HEXB: variants seen among roughly 807,000 people sequenced by gnomAD.
HEXB encodes the protein hexosaminidase subunit beta.
HEXB carries 51 observed loss-of-function variants against 71.2 expected under a neutral mutation model. The observed-to-expected ratio is 0.72, with a 90% CI of 0.57 to 0.90. HEXB has a LOEUF of 0.90. HEXB is among the 40% of genes least tolerant of loss of function. HEXB has a pLI of 0.00. For synonymous variants in HEXB, 266 were observed against 249.3 expected (o/e 1.07, Z -0.63); for missense variants, 617 against 677.0 (o/e 0.91, Z 0.98).
At chr5:74,649,814 G>A (rs895441131) in intron 1 of HEXB, among the ~76,000 whole-genome samples, 2 of 152,144 alleles carry the variant, frequency 1.3e-5, no homozygotes, top group Non-Finnish European at 2.9e-5. Flanking sequence ...ACCCATAAGA[G>A]ATTGTTACAT....
intron 1 of HEXB, among the ~76,000 whole-genome samples, chr5:74,664,171 G>A (rs1249074680): frequency 1.3e-5 from 2 of 151,912 alleles, no homozygotes; most frequent in Non-Finnish European, 2.9e-5. Flanking sequence ...CAGGAGAATG[G>A]CTTGTACCTG....
At chr5:74,693,028 T>C (rs903644480) in intron 2 of HEXB, among the ~76,000 whole-genome samples, 3 of 152,128 alleles carry the variant, frequency 2.0e-5, no homozygotes, top group African/African-American at 7.2e-5. Context: ...TTTTATTGAG[T>C]GAGACAAAGC....
At chr5:74,648,854 T>C (rs1475251777) in intron 1 of HEXB, among the ~76,000 whole-genome samples, 1 of 152,254 alleles carries the variant, frequency 6.6e-6, no homozygotes, top group African/African-American at 2.4e-5. Context: ...TGTGTGTTTC[T>C]TGTGCTAGTC....
chr5:74,649,045 G>A (rs1319619081), intron 1 of HEXB, among the ~76,000 whole-genome samples: 8 of 152,146 alleles, frequency 5.3e-5, no homozygotes, highest in Non-Finnish European at 7.3e-5. Context: ...CAACCCTACC[G>A]AAAAAGAAAA....
At chr5:74,674,166 A>T (rs115277427) in intron 1 of HEXB, among the ~76,000 whole-genome samples, 1,591 of 152,328 alleles carry the variant, frequency 0.01, 27 homozygotes, top group African/African-American at 0.036. Flanking sequence ...GCTATAGGCC[A>T]TGTTTCTTTT....
At chr5:74,697,801 C>T (rs1169543851) in intron 5 of HEXB, among the ~76,000 whole-genome samples, 4 of 151,164 alleles carry the variant, frequency 2.6e-5, no homozygotes, top group Non-Finnish European at 5.9e-5. Context: ...AATTTTGTGA[C>T]CACCTCTTAC....
At chr5:74,718,432 A>T in intron 10 of HEXB, 69 bp downstream of exon 10, 1 of 1,169,946 alleles carries the variant, frequency 8.5e-7, no homozygotes, top group Non-Finnish European at 1.3e-6. Flanking sequence ...GCAACTGGGA[A>T]TTTGCAAGTC....
chr5:74,660,464 A>G (rs1024088985), intron 1 of HEXB, among the ~76,000 whole-genome samples: 3 of 152,246 alleles, frequency 2.0e-5, no homozygotes, highest in Admixed American at 1.3e-4. Context: ...TGCTTCAAAC[A>G]TAGGTCATGA....
intron 1 of HEXB, among the ~76,000 whole-genome samples, chr5:74,677,837 T>A (rs1482061810): frequency 1.3e-5 from 2 of 152,106 alleles, no homozygotes; most frequent in Non-Finnish European, 2.9e-5. Flanking sequence ...TAATGTGTAG[T>A]TTTTTTAGCT....
intron 5 of HEXB, among the ~76,000 whole-genome samples, chr5:74,700,249 C>G (rs1580385750): frequency 6.6e-6 from 1 of 151,862 alleles, no homozygotes; most frequent in South Asian, 2.1e-4. Context: ...CTCAGGCAAT[C>G]TGCCCACCTC....
At chr5:74,707,450 T>C (rs1259467784) in intron 6 of HEXB, among the ~76,000 whole-genome samples, 2 of 152,148 alleles carry the variant, frequency 1.3e-5, no homozygotes, top group Non-Finnish European at 1.5e-5. Context: ...GAGAATGACT[T>C]TGATGAGTTG....
chr5:74,698,020 G>A (rs909793352), intron 5 of HEXB, among the ~76,000 whole-genome samples: 4 of 151,484 alleles, frequency 2.6e-5, no homozygotes, highest in Admixed American at 1.3e-4. Context: ...ATGTTTTTTT[G>A]CACCTTCACT....
chr5:74,717,472 A>C (rs1175021686), intron 9 of HEXB, among the ~76,000 whole-genome samples: 1 of 133,450 alleles, frequency 7.5e-6, no homozygotes, highest in African/African-American at 3.5e-5. Flanking sequence ...CCATACTGAA[A>C]AATGCATATA....
At chr5:74,714,062 C>G (rs183900184) in intron 7 of HEXB, among the ~76,000 whole-genome samples, 82 of 152,348 alleles carry the variant, frequency 5.4e-4, no homozygotes, top group African/African-American at 1.9e-3. Context: ...GTCTTGATCT[C>G]CCCTCCTCAT....
chr5:74,670,172 C>G (rs1748506110), intron 1 of HEXB, among the ~76,000 whole-genome samples: 1 of 152,244 alleles, frequency 6.6e-6, no homozygotes, highest in South Asian at 2.1e-4. Context: ...CATATACCTA[C>G]ACTTCCCTAA....
intron 4 of HEXB, 99 bp downstream of exon 4, chr5:74,696,838 C>T (rs1749124503): frequency 1.3e-6 from 1 of 776,538 alleles, no homozygotes; most frequent in Non-Finnish European, 2.2e-6. Flanking sequence ...GATTTCATTT[C>T]CCCAGATATT....
intron 3 of HEXB, 22 bp from the exon 4 acceptor site, chr5:74,696,671 C>T: frequency 8.1e-7 from 1 of 1,227,358 alleles, no homozygotes; most frequent in Non-Finnish European, 1.2e-6. Flanking sequence ...TAAATTAATG[C>T]AATAAATTTT....
intron 7 of HEXB, among the ~76,000 whole-genome samples, chr5:74,714,028 G>A (rs977059286): frequency 6.6e-6 from 1 of 152,124 alleles, no homozygotes; most frequent in Non-Finnish European, 1.5e-5. Flanking sequence ...GTAGAGACGG[G>A]GTTTCACCGT....
At chr5:74,682,215 G>A (rs1470114957), upstream of HEXB, among the ~76,000 whole-genome samples, 2 of 152,274 alleles carry the variant, frequency 1.3e-5, no homozygotes, top group African/African-American at 2.4e-5. Flanking sequence ...AAAATTAGCC[G>A]GGCGTGGTGG....
Sources: gnomAD v4.1 joint callset for allele counts (sites outside exome capture counted in the v4.1 genomes callset) on GRCh38, gnomAD v4.1.1 for gene constraint, MANE v1.5 for transcripts, NCBI Gene and HGNC (gene_info 2026-07-23, HGNC 2026-07-21) for gene names.